TAF6: variants seen among roughly 807,000 people sequenced by gnomAD.
TAF6 encodes the protein transcription initiation factor TFIID subunit 6.
Under a neutral mutation model 73.5 loss-of-function variants are expected in TAF6, and 50 were observed. That is an observed-to-expected ratio of 0.68 (90% CI 0.54 to 0.86). The LOEUF (loss-of-function observed/expected upper bound fraction) is 0.86. Ranked by LOEUF, TAF6 falls within the 40% of genes least tolerant of loss-of-function variation. TAF6 has a pLI of 0.00. For synonymous variants in TAF6, 424 were observed against 376.7 expected, an observed-to-expected ratio of 1.13 and a Z score of -1.45; for missense variants, 768 against 899.5, an observed-to-expected ratio of 0.85 and a Z score of 1.87.
chr7:100,112,259 T>C lies in TAF6; in HGVS notation c.575-6A>G. 6.2e-7 allele frequency: 1 copy of C among 1,609,958 alleles called. No homozygotes were observed. On this transcript the variant is annotated splice_region_variant and splice_polypyrimidine_tract_variant and intron_variant, in intron 6 of 14. Transcript: ENST00000453269. ...CGGCGCCTTCTTCTCTTTCCCTGTG[T>C]GATTGGAAAGGTGGGTCTGACAAAG...
chr7:100,110,057 A>G lies in TAF6; in HGVS notation c.1175T>C (p.Ile392Thr), dbSNP rs1162291520. The G allele has an allele frequency of 1.2e-6, 2 of 1,614,030 alleles. No homozygotes were observed. The highest frequency in any genetic ancestry group is 1.7e-6 in the Non-Finnish European group (2 of 1,180,036). Residue 392 changes from isoleucine (I) to threonine (T), a missense_variant, in exon 12 of 15, where the codon ATT becomes ACT. Around this residue, in one of 5 missense-constraint regions of TAF6, gnomAD observed 69 missense variants for 105.4 expected, o/e 0.65. Coordinates refer to ENST00000453269, the MANE Select transcript of TAF6 (RefSeq NM_139315.3). ...ELGHDVIKTL[I>T]LPRLQQEGER... The stretch of plus-strand genomic sequence containing the variant: ...CCCTTCCTGCTGCAGCCGGGGCAGA[A>G]TCAGAGTCTTGATAACCTGTTAGAA...
intron 14 of TAF6, 71 bp from the exon 15 acceptor site, chr7:100,107,694 T>G: frequency 6.4e-7 from 1 of 1,567,124 alleles, no homozygotes; most frequent in Non-Finnish European, 8.6e-7. Context: ...GCGAGGACGC[T>G]TCACTCGCTC....
In TAF6 at chr7:100,114,240, A is replaced by C; in HGVS notation, c.-31T>G. The C allele has an allele frequency of 6.2e-7, 1 of 1,613,672 alleles. No individual in the cohort carries two copies. Among genetic ancestry groups the C allele is most frequent in the South Asian group, 1.1e-5 (1 of 91,088 alleles). On this transcript the variant is annotated 5_prime_UTR_variant, in exon 2 of 15. Coordinates refer to ENST00000453269, the MANE Select transcript of TAF6 (RefSeq NM_139315.3). ...AGTCCCTCTTCTCCTCCCTGGAAGG[A>C]TGAAGCCCCCGGTGGAGAGACGGAG...
At chr7:100,108,157 CATCTACT>C (rs1250823279) in intron 13 of TAF6, 34 bp from the exon 14 acceptor site, 1 of 1,563,250 alleles carries the variant, frequency 6.4e-7, no homozygotes, top group African/African-American at 1.3e-5. Context: ...GAAGTGGCAC[CATCTACT>C]AAGAAGAGGA....
chr7:100,113,710 G>T lies in TAF6; in HGVS notation c.303C>A (p.Gly101=). The T allele has an allele frequency of 1.2e-6, 2 of 1,614,040 alleles. No individual in the cohort carries two copies. Among genetic ancestry groups the T allele is most frequent in the Non-Finnish European group, 1.7e-6 (2 of 1,180,008 alleles). Residue 101 remains glycine, a synonymous_variant, in exon 4 of 15, where the codon GGC becomes GGA. Coordinates refer to ENST00000453269, the MANE Select transcript of TAF6 (RefSeq NM_139315.3). ...TCTCCTCATAGAAGTAAAGCTCCCG[G>T]CCCCCACCAGAGGCGAAGCGGAAAG... ...FIPFRFASGG[G]RELYFYEEKE...
chr7:100,109,871 GAAT>G, intron 12 of TAF6, 74 bp downstream of exon 12: 1 of 1,576,184 alleles, frequency 6.3e-7, no homozygotes, highest in Non-Finnish European at 8.6e-7. Context: ...GGGAGTAAGT[GAAT>G]AAAATATGCC....
chr7:100,117,377 T>G (rs1246731887), intron 1 of TAF6, among the ~76,000 whole-genome samples: 1 of 146,502 alleles, frequency 6.8e-6, no homozygotes. Context: ...ATTCAAGCAA[T>G]TCTCCTGTCT....
upstream of TAF6, chr7:100,119,569 G>C (rs1330372865): frequency 3.5e-6 from 5 of 1,431,878 alleles, no homozygotes; most frequent in African/African-American, 1.4e-5. Context: ...CCACAAAACG[G>C]AGGCAGGGAA....
intron 14 of TAF6, 134 bp downstream of exon 14, chr7:100,107,792 G>A: frequency 1.5e-6 from 2 of 1,377,844 alleles, no homozygotes; most frequent in Non-Finnish European, 1.9e-6. Flanking sequence ...CAGCCCTGCA[G>A]GACCCTGGTG....
rs367783772 is a variant in TAF6 at position 100,107,905 on chromosome 7, C to G, written c.1656+21G>C. On this transcript the variant is annotated intron_variant, in intron 14 of 14. Coordinates refer to ENST00000453269, the MANE Select transcript of TAF6 (RefSeq NM_139315.3). ...GTAACCCAGGCCCTCCAGATGCTCC[C>G]TGTCCCACAGCTCTGCATACCTGCT... 4 of 1,586,562 alleles carry G rather than the reference C, an allele frequency of 2.5e-6. No homozygotes were observed. In the African/African-American group the frequency reaches 4.0e-5, roughly 16 times the overall value.
chr7:100,122,049 GA>G (rs111511573), upstream of TAF6: 5,870 of 309,908 alleles, frequency 0.019, no homozygotes, highest in Middle Eastern at 0.029. Context: ...GAGTCCGTCT[GA>G]AAAAAAAAAA....
chr7:100,107,837 G>A (rs988540460), intron 14 of TAF6, 89 bp downstream of exon 14: 24 of 1,479,462 alleles, frequency 1.6e-5, no homozygotes, highest in Non-Finnish European at 1.8e-6. Flanking sequence ...GGGGCCCAGA[G>A]GGGACTGTGC....
At chr7:100,124,796 C>G (rs1191296681), upstream of TAF6, 14 of 1,612,366 alleles carry the variant, frequency 8.7e-6, no homozygotes, top group Admixed American at 1.7e-5. Context: ...GGAGGAAGAG[C>G]AGGAGGAGGA....
At chr7:100,122,678 G>A, upstream of TAF6, 1 of 1,518,808 alleles carries the variant, frequency 6.6e-7, no homozygotes, top group Non-Finnish European at 9.0e-7. Flanking sequence ...CACCATCATG[G>A]AACTCACCCT....
chr7:100,116,753 C>G (rs1797707668), intron 1 of TAF6: 2 of 152,262 alleles, frequency 1.3e-5, no homozygotes, highest in African/African-American at 4.8e-5. Context: ...CCTTCTTCCA[C>G]TTTGATCCAG....
rs764185386 is a variant in TAF6 at position 100,110,083 on chromosome 7, G to A, written c.1159-10C>T. 6 of 1,613,932 alleles carry A rather than the reference G, an allele frequency of 3.7e-6. No individual in the cohort carries two copies. The African/African-American group carries it at 4.0e-5, about 11-fold the overall frequency. On this transcript the variant is annotated splice_polypyrimidine_tract_variant and intron_variant, in intron 11 of 14. Transcript: ENST00000453269. Reference sequence around the variant, plus strand: ...TCAGAGTCTTGATAACCTGTTAGAAGGGAAAAGGACAAGCAAAAGCCGGAG... The same window carrying A: ...TCAGAGTCTTGATAACCTGTTAGAAAGGAAAAGGACAAGCAAAAGCCGGAG...
intron 1 of TAF6, chr7:100,118,847 T>C: frequency 1.0e-6 from 1 of 985,304 alleles, no homozygotes; most frequent in Non-Finnish European, 1.2e-6. Context: ...TTATAAGTCT[T>C]ATCTATAGGG....
chr7:100,119,943 G>T (rs1435928653), upstream of TAF6: 3 of 1,318,980 alleles, frequency 2.3e-6, no homozygotes, highest in Non-Finnish European at 3.1e-6. Context: ...CCTGTATTGG[G>T]TGGGTCACCC....
At position 100,107,552 on chromosome 7, in the gene TAF6, G is replaced by A. The variant is rs1562917447; in HGVS notation, c.1728C>T (p.Pro576=). 3 of 1,614,036 alleles carry A rather than the reference G, an allele frequency of 1.9e-6. No homozygotes were observed. Among genetic ancestry groups the A allele is most frequent in the Non-Finnish European group, 2.5e-6 (3 of 1,179,996 alleles). The change falls in exon 15 of 15, where the codon CCC becomes CCT. Residue 576 remains proline, a synonymous_variant. Coordinates refer to ENST00000453269, the MANE Select transcript of TAF6 (RefSeq NM_139315.3). ...TTTSPVTTTV[P]SVQPIVKLVS... ...CCAACTTGACGATGGGCTGCACGCT[G>A]GGGACGGTGGTGGTGACGGGCGAAG...
Sources: gnomAD v4.1 joint callset for allele counts (sites outside exome capture counted in the v4.1 genomes callset) on GRCh38, gnomAD v4.1.1 for gene constraint, gnomAD v4.1.1 regional missense constraint, MANE v1.5 for transcripts, NCBI Gene and HGNC (gene_info 2026-07-23, HGNC 2026-07-21) for gene names.